Variants in CDH12 observed in about 807,000 individuals in gnomAD.
The protein encoded by CDH12 is cadherin 12.
CDH12 carries 41 observed loss-of-function variants against 74.1 expected under a neutral mutation model. That is an observed-to-expected ratio of 0.55 (90% CI 0.43 to 0.72). CDH12 has a LOEUF of 0.72. Among genes scored for constraint, CDH12 ranks in the 30% least tolerant of loss-of-function variants. CDH12 has a pLI of 0.00. For missense variants in CDH12, 945 were observed against 977.2 expected, an observed-to-expected ratio of 0.97 and a Z score of 0.44; for synonymous variants, 399 against 355.0, an observed-to-expected ratio of 1.12 and a Z score of -1.39.
intron 5 of CDH12, among the ~76,000 whole-genome samples, chr5:22,015,746 G>A (rs940625358): frequency 3.3e-5 from 5 of 152,080 alleles, no homozygotes; most frequent in Middle Eastern, 3.2e-3. Flanking sequence ...GTGAAGTACC[G>A]TGACAGATAG....
At chr5:22,540,871 T>C (rs748679177) in intron 1 of CDH12, among the ~76,000 whole-genome samples, 32 of 152,234 alleles carry the variant, frequency 2.1e-4, no homozygotes, top group Non-Finnish European at 4.1e-4. Flanking sequence ...TATATACATA[T>C]GCATTTATAT....
intron 3 of CDH12, among the ~76,000 whole-genome samples, chr5:22,360,128 C>T (rs1333079355): frequency 1.3e-5 from 2 of 152,094 alleles, no homozygotes. Context: ...TTCAAAAAAT[C>T]AATGAATCCA....
At chr5:22,590,062 T>C (rs1318134671) in intron 1 of CDH12, among the ~76,000 whole-genome samples, 1 of 152,164 alleles carries the variant, frequency 6.6e-6, no homozygotes, top group African/African-American at 2.4e-5. Context: ...TTGTACTATC[T>C]CGACAATTTT....
intron 1 of CDH12, among the ~76,000 whole-genome samples, chr5:22,788,144 C>G (rs1747732998): frequency 6.6e-6 from 1 of 152,068 alleles, no homozygotes; most frequent in Non-Finnish European, 1.5e-5. Context: ...TCATTTCTCT[C>G]CTGTATTTTA....
At chr5:22,274,840 T>C (rs988955783) in intron 3 of CDH12, among the ~76,000 whole-genome samples, 16 of 152,162 alleles carry the variant, frequency 1.1e-4, no homozygotes, top group Admixed American at 5.2e-4. Context: ...TATATGCATC[T>C]TATTTTCATT....
chr5:22,821,186 G>A (rs567007183), intron 1 of CDH12, among the ~76,000 whole-genome samples: 2 of 151,270 alleles, frequency 1.3e-5, no homozygotes, highest in Non-Finnish European at 2.9e-5. Context: ...ATTCAACAAC[G>A]CTTCATGCTA....
chr5:22,465,288 C>T (rs755070631), intron 2 of CDH12, among the ~76,000 whole-genome samples: 1 of 152,152 alleles, frequency 6.6e-6, no homozygotes, highest in Admixed American at 6.5e-5. Flanking sequence ...CAGCCGTGAT[C>T]TGAGCTCTGG....
intron 4 of CDH12, among the ~76,000 whole-genome samples, chr5:22,177,649 G>C (rs190679230): frequency 0.015 from 2,302 of 152,076 alleles, 32 homozygotes; most frequent in Middle Eastern, 0.048. Flanking sequence ...GCTGGATCAC[G>C]GCCATGGGGG....
In CDH12 at chr5:21,817,202, A is replaced by G. The variant is rs1748109437; in HGVS notation, c.815-70T>C. On this transcript the variant is annotated intron_variant, in intron 8 of 14. Coordinates refer to ENST00000382254, the MANE Select transcript of CDH12 (RefSeq NM_004061.5). ...AGATATAGTAAGATTACAAGGCTTG[A>G]AAAATAGAGTCCACTGAAAGTAAAT... is the stretch of plus-strand genomic sequence containing the variant. 1.3e-5 allele frequency: 13 copies of G among 1,007,402 alleles called. No homozygotes were observed. In the South Asian group the frequency reaches 1.7e-4, roughly 13 times the overall value. The allele number at this position is 1,007,402 out of a possible 1,614,324, so 62.4% of individuals were successfully genotyped here. A position where few individuals can be genotyped will look rare whatever the true frequency, so the allele number is the denominator to read the frequency against.
chr5:21,783,447 T>C lies in CDH12; in HGVS notation c.1304A>G (p.Asp435Gly). 6.2e-7 allele frequency: 1 copy of C among 1,606,604 alleles called. No homozygotes were observed. The highest frequency in any genetic ancestry group is 1.1e-5 in the South Asian group (1 of 90,940). ...AGTGGCGATGGTTCCTTCATTTCCA[T>C]CTATTGTAAAGTAGCTGTCCCCATC... Reference protein sequence around the residue: ...KSDGDSYFTIDGNEGTIATNE... With the variant: ...KSDGDSYFTIGGNEGTIATNE... The change falls in exon 11 of 15, where the codon GAT becomes GGT. Residue 435 changes from aspartate (D) to glycine (G), a missense_variant. Physicochemically the swap from Asp to Gly is moderately conservative, Grantham distance 94. This residue lies in a region of CDH12 where 791 missense variants were observed against 792.8 expected (regional missense o/e 1.00). Coordinates refer to ENST00000382254, the MANE Select transcript of CDH12 (RefSeq NM_004061.5).
chr5:22,006,350 T>C (rs950753507), intron 5 of CDH12, among the ~76,000 whole-genome samples: 1 of 151,906 alleles, frequency 6.6e-6, no homozygotes, highest in Non-Finnish European at 1.5e-5. Flanking sequence ...TGAAATGCTT[T>C]CTCGGGTAAT....
chr5:22,809,978 T>C (rs1031012080), intron 1 of CDH12, among the ~76,000 whole-genome samples: 3 of 152,178 alleles, frequency 2.0e-5, no homozygotes, highest in African/African-American at 7.2e-5. Context: ...TATTTTAGTA[T>C]TATAAAACTC....
chr5:22,242,905 C>T (rs936335905), intron 3 of CDH12, among the ~76,000 whole-genome samples: 2 of 151,922 alleles, frequency 1.3e-5, no homozygotes, highest in Admixed American at 6.6e-5. Flanking sequence ...AGTTTTGTTT[C>T]GTGTTGTAGA....
At chr5:22,603,163 G>T (rs1008800022) in intron 1 of CDH12, among the ~76,000 whole-genome samples, 5 of 151,822 alleles carry the variant, frequency 3.3e-5, no homozygotes. Flanking sequence ...CAGAAACAGG[G>T]CACAAGAAAT....
chr5:22,650,083 T>C (rs1455110616), intron 1 of CDH12, among the ~76,000 whole-genome samples: 1 of 152,020 alleles, frequency 6.6e-6, no homozygotes, highest in East Asian at 1.9e-4. Context: ...TGGCTGTAAT[T>C]ATGTAAAGGC....
chr5:22,019,627 C>G (rs568569956), intron 5 of CDH12, among the ~76,000 whole-genome samples: 6 of 152,242 alleles, frequency 3.9e-5, no homozygotes, highest in African/African-American at 1.4e-4. Flanking sequence ...AGGGCCCTCG[C>G]CATGAACCAA....
rs560565111 is a variant in CDH12 at position 21,938,457 on chromosome 5, G to A, written c.526+36634C>T. On this transcript the variant is annotated intron_variant, in intron 6 of 14. Transcript: ENST00000382254. ...TGTGATAATTTCTGTTATGAGTTAT[G>A]TACAGTGGAATATGAAAAATATATA... Among the ~76,000 whole-genome samples, 4 of 147,426 alleles carry A rather than the reference G, an allele frequency of 2.7e-5. No homozygotes were observed. In the Admixed American group the frequency reaches 2.7e-4, roughly 10 times the overall value.
intron 6 of CDH12, among the ~76,000 whole-genome samples, chr5:21,881,871 T>C (rs1247666497): frequency 6.6e-6 from 1 of 152,200 alleles, no homozygotes; most frequent in Non-Finnish European, 1.5e-5. Context: ...TTCTTATTAA[T>C]ATCATTTAAA....
intron 8 of CDH12, among the ~76,000 whole-genome samples, chr5:21,826,662 C>T (rs1256737076): frequency 1.3e-5 from 2 of 152,164 alleles, no homozygotes; most frequent in East Asian, 1.9e-4. Context: ...GGAAATTACC[C>T]TTTTAGAAAA....
Sources: gnomAD v4.1 joint callset for allele counts (sites outside exome capture counted in the v4.1 genomes callset) on GRCh38, gnomAD v4.1.1 for gene constraint, gnomAD v4.1.1 regional missense constraint, MANE v1.5 for transcripts, NCBI Gene and HGNC (gene_info 2026-07-23, HGNC 2026-07-21) for gene names.